The following STK32C variants were observed in gnomAD, a reference collection of about 807,000 sequenced individuals.
The protein encoded by STK32C is serine/threonine-protein kinase 32C.
In STK32C, 31 loss-of-function variants were observed where a neutral mutation model predicts 56.5. The observed-to-expected ratio is 0.55, with a 90% CI of 0.41 to 0.74. STK32C has a LOEUF of 0.74. STK32C is among the 30% of genes least tolerant of loss of function. The pLI, the probability that STK32C is intolerant of heterozygous loss-of-function variation, is 0.00. For synonymous variants in STK32C, 309 were observed against 289.4 expected (o/e 1.07, Z -0.69); for missense variants, 544 against 676.9 (o/e 0.80, Z 2.18).
At chr10:132,249,137 G>A (rs1303642337) in intron 1 of STK32C, 2 of 446,312 alleles carry the variant, frequency 4.5e-6, no homozygotes, top group African/African-American at 2.0e-5. Flanking sequence ...GTGGCGTCAG[G>A]GCGTGCAGGG....
intron 2 of STK32C, among the ~76,000 whole-genome samples, chr10:132,239,036 C>T (rs1004372877): frequency 7.2e-5 from 11 of 152,214 alleles, no homozygotes; most frequent in African/African-American, 2.4e-4. Flanking sequence ...CACTCCCCAT[C>T]AGAGGTCCAA....
At position 132,255,247 on chromosome 10, in the gene STK32C, T is replaced by G. The variant is rs147961623; in HGVS notation, c.263-9292A>C. Among the ~76,000 whole-genome samples the G allele has an allele frequency of 6.6e-6, 1 of 152,160 alleles. No individual in the cohort carries two copies. Among genetic ancestry groups the G allele is most frequent in the Admixed American group, 6.5e-5 (1 of 15,288 alleles). ...GCAGAGCTTGTGCAGCCTCTGGGGA[T>G]GTCTGGCCCACACGGGGCTCCTGAC... On this transcript the variant is annotated intron_variant, in intron 1 of 11. Coordinates refer to ENST00000298630, the MANE Select transcript of STK32C (RefSeq NM_173575.4). This position sits in a 1 kb window ranked among gnomAD's most constrained non-coding sequence, Gnocchi z 4.6.
At chr10:132,279,946 A>T (rs1178689675) in intron 1 of STK32C, among the ~76,000 whole-genome samples, 2 of 122,342 alleles carry the variant, frequency 1.6e-5, no homozygotes, top group Non-Finnish European at 3.5e-5. Flanking sequence ...CACCGTGACC[A>T]CGCCCCTGCA....
rs370066030 is a variant in STK32C, at chr10:132,236,222, G to A, written c.319-8094C>T. Among the ~76,000 whole-genome samples the A allele has an allele frequency of 7.7e-4, 118 of 152,338 alleles. 3 individuals carry two copies. The South Asian group carries it at 0.022, about 28-fold the overall frequency. On this transcript the variant is annotated intron_variant, in intron 2 of 11. Coordinates refer to ENST00000298630, the MANE Select transcript of STK32C (RefSeq NM_173575.4). ...CCCTTCCCCAGGTGGCAGAGCCTGC[G>A]CACGGCCTGGTCAGCGAAGGGACGT...
rs1235179648 is a variant in STK32C, at chr10:132,250,381, A to C, written c.263-4426T>G. ...AGAGAGGAGAGGGCAGGTGTGTGTGAGGCGCACGGGACAGGTCACTGCAGA... is the reference window on the plus strand; with the variant it reads ...AGAGAGGAGAGGGCAGGTGTGTGTGCGGCGCACGGGACAGGTCACTGCAGA... On this transcript the variant is annotated intron_variant, in intron 1 of 11. Transcript: ENST00000298630. 4.4e-5 allele frequency among the ~76,000 whole-genome samples: 3 copies of C among 68,758 alleles called. No homozygotes were observed. The Admixed American group carries it at 4.5e-4, about 10-fold the overall frequency. 45.1% of individuals were successfully genotyped at this position (68,758 alleles called of 152,430 possible).
chr10:132,287,010 A>G (rs1246953248), intron 1 of STK32C, among the ~76,000 whole-genome samples: 8 of 152,274 alleles, frequency 5.3e-5, no homozygotes, highest in Admixed American at 5.2e-4. Context: ...AGTGAGTTTA[A>G]GCAAGGCTGG....
intron 10 of STK32C, among the ~76,000 whole-genome samples, chr10:132,216,419 G>A (rs916942612): frequency 2.7e-5 from 4 of 146,788 alleles, no homozygotes; most frequent in African/African-American, 5.0e-5. Context: ...GCAATGAGCC[G>A]CCATTGCACC....
intron 2 of STK32C, among the ~76,000 whole-genome samples, chr10:132,228,924 A>G (rs1309718820): frequency 6.6e-6 from 1 of 152,220 alleles, no homozygotes; most frequent in Non-Finnish European, 1.5e-5. Flanking sequence ...CCGGGGCGCC[A>G]GTCCCCACAT....
chr10:132,291,749 TC>T (rs888544398), intron 1 of STK32C, among the ~76,000 whole-genome samples: 2 of 71,636 alleles, frequency 2.8e-5, no homozygotes, highest in Admixed American at 1.6e-4. Flanking sequence ...AGAGACCCCA[TC>T]CCCCCCACCC....
At chr10:132,274,324 A>G (rs550847616) in intron 1 of STK32C, among the ~76,000 whole-genome samples, 1 of 152,300 alleles carries the variant, frequency 6.6e-6, no homozygotes, top group Admixed American at 6.5e-5. Context: ...TCCCACACCA[A>G]ATGTGGGTCA....
chr10:132,319,613 A>AC (rs943312235), downstream of STK32C, among the ~76,000 whole-genome samples: 26 of 152,334 alleles, frequency 1.7e-4, no homozygotes, highest in Non-Finnish European at 2.8e-4. Flanking sequence ...TAAAATGTGC[A>AC]CCCCATTGTC....
At chr10:132,331,967 C>G (rs2066785677), upstream of STK32C, 2 of 502,218 alleles carry the variant, frequency 4.0e-6, no homozygotes, top group Non-Finnish European at 6.8e-6. Flanking sequence ...GCACCACACC[C>G]CGCCCCCTCC....
At chr10:132,253,583 T>TGGAGGGAGCC (rs1293118179) in intron 1 of STK32C, among the ~76,000 whole-genome samples, 6 of 124,686 alleles carry the variant, frequency 4.8e-5, no homozygotes, top group South Asian at 2.8e-4. Context: ...TGGAGGGAGC[T>TGGAGGGAGCC]GGAGGGAGCC....
chr10:132,269,418 T>A (rs2064742037), intron 1 of STK32C, among the ~76,000 whole-genome samples: 1 of 152,178 alleles, frequency 6.6e-6, no homozygotes, highest in African/African-American at 2.4e-5. Context: ...CCGCACCGGA[T>A]CTTCCCCTGA....
upstream of STK32C, among the ~76,000 whole-genome samples, chr10:132,311,877 G>A (rs774583792): frequency 1.3e-5 from 2 of 152,186 alleles, no homozygotes; most frequent in African/African-American, 2.4e-5. This position sits in a 1 kb window ranked among gnomAD's most constrained non-coding sequence, Gnocchi z 4.4. Context: ...TCACAGGGCC[G>A]GCACGGACAT....
At chr10:132,312,085 C>T (rs1236309350), upstream of STK32C, among the ~76,000 whole-genome samples, 2 of 152,316 alleles carry the variant, frequency 1.3e-5, no homozygotes, top group African/African-American at 2.4e-5. Context: ...TGGCTCACTG[C>T]AGCCTCGACC....
At chr10:132,322,764 G>A (rs148878633), downstream of STK32C, among the ~76,000 whole-genome samples, 113 of 152,316 alleles carry the variant, frequency 7.4e-4, no homozygotes, top group Non-Finnish European at 1.4e-3. Context: ...ACCCATTTGG[G>A]GTCATCTGCA....
intron 11 of STK32C, 26 bp downstream of exon 11, chr10:132,209,008 C>G (rs112459634): frequency 6.3e-7 from 1 of 1,596,938 alleles, no homozygotes; most frequent in African/African-American, 1.3e-5. Flanking sequence ...TCTGCCACCA[C>G]GCCCACCCAC....
In STK32C at chr10:132,278,268, G is replaced by A. The variant is rs557566688; in HGVS notation, c.262+29304C>T. On this transcript the variant is annotated intron_variant, in intron 1 of 11. Transcript: ENST00000298630. ...CAAAGACCCACACATGCCATGCCCCGCACATGCCATGCCTCCGTGAGTTCT... is the reference window on the plus strand; with the variant it reads ...CAAAGACCCACACATGCCATGCCCCACACATGCCATGCCTCCGTGAGTTCT... Among the ~76,000 whole-genome samples, 14 of 152,076 alleles carry A rather than the reference G, an allele frequency of 9.2e-5. No individual in the cohort carries two copies. The East Asian group carries it at 2.1e-3, about 23-fold the overall frequency.
Sources: allele counts gnomAD v4.1 joint callset (sites outside exome capture counted in the v4.1 genomes callset), GRCh38; gene constraint gnomAD v4.1.1; non-coding constraint Gnocchi (gnomAD v3.1); transcripts MANE v1.5; gene names NCBI Gene and HGNC (gene_info 2026-07-23, HGNC 2026-07-21).